CCDC112: variants seen among roughly 807,000 people sequenced by gnomAD.
CCDC112 encodes the protein coiled-coil domain containing 112.
In CCDC112, 40 loss-of-function variants were observed where a neutral mutation model predicts 66.3. The ratio of observed to expected loss-of-function variants is 0.60; its 90% CI spans 0.47 to 0.79. The LOEUF (loss-of-function observed/expected upper bound fraction) is 0.79, where lower values mean the gene tolerates loss of function less well. Ranked by LOEUF, CCDC112 falls within the 30% of genes least tolerant of loss-of-function variation. The pLI, the probability that CCDC112 is intolerant of heterozygous loss-of-function variation, is 0.00. For missense variants in CCDC112, 659 were observed against 603.8 expected (o/e 1.09, Z -0.96); for synonymous variants, 214 against 197.2 (o/e 1.09, Z -0.71).
chr5:115,269,666 G>A, intron 8 of CCDC112, 37 bp downstream of exon 8: 1 of 1,377,370 alleles, frequency 7.3e-7, no homozygotes, highest in Non-Finnish European at 1.0e-6. Flanking sequence ...CAAGGAATTA[G>A]GATAATAACA....
intron 6 of CCDC112, among the ~76,000 whole-genome samples, chr5:115,273,756 C>A (rs1448001567): frequency 1.3e-5 from 2 of 152,140 alleles, no homozygotes; most frequent in Non-Finnish European, 2.9e-5. Context: ...CTAATTAGGT[C>A]TGGAGTTGGA....
intron 9 of CCDC112, among the ~76,000 whole-genome samples, chr5:115,268,426 T>A (rs984295929): frequency 6.6e-6 from 1 of 151,816 alleles, no homozygotes; most frequent in Admixed American, 6.6e-5. Context: ...CACACCACCA[T>A]GCCTGGCTAA....
intron 7 of CCDC112, 98 bp downstream of exon 7, chr5:115,271,115 G>A: frequency 9.1e-7 from 1 of 1,102,000 alleles, no homozygotes; most frequent in South Asian, 1.6e-5. Flanking sequence ...CTATACACAG[G>A]TCCAATATAC....
intron 1 of CCDC112, among the ~76,000 whole-genome samples, chr5:115,291,800 C>G (rs1417825166): frequency 6.6e-6 from 1 of 152,102 alleles, no homozygotes; most frequent in Non-Finnish European, 1.5e-5. Context: ...GGCTGGCAGT[C>G]TTTTTCTATT....
At chr5:115,282,134 A>G (rs967821618) in intron 2 of CCDC112, among the ~76,000 whole-genome samples, 3 of 152,240 alleles carry the variant, frequency 2.0e-5, no homozygotes, top group Non-Finnish European at 4.4e-5. Flanking sequence ...TAAATAAATC[A>G]TATTACATTC....
At chr5:115,277,378 T>C (rs188526045) in intron 3 of CCDC112, among the ~76,000 whole-genome samples, 33 of 152,328 alleles carry the variant, frequency 2.2e-4, no homozygotes, top group African/African-American at 7.9e-4. Context: ...AGCATAGTTT[T>C]TGTTCTTTAA....
At chr5:115,276,805 T>A (rs1390736487) in intron 4 of CCDC112, among the ~76,000 whole-genome samples, 160 bp downstream of exon 4, 1 of 152,174 alleles carries the variant, frequency 6.6e-6, no homozygotes, top group African/African-American at 2.4e-5. Flanking sequence ...CTGATAGAGT[T>A]TAGCTCCATT....
At position 115,268,893 on chromosome 5, in the gene CCDC112, A is replaced by C; in HGVS notation, c.1536T>G (p.His512Gln). The C allele has an allele frequency of 6.3e-7, 1 of 1,590,422 alleles. No individual in the cohort carries two copies. Among genetic ancestry groups the C allele is most frequent in the Non-Finnish European group, 8.6e-7 (1 of 1,166,768 alleles). Residue 512 changes from histidine to glutamine, a missense_variant, in exon 9 of 10, where the codon CAT (histidine) becomes CAG (glutamine). Coordinates refer to ENST00000379611, the MANE Select transcript of CCDC112 (RefSeq NM_001040440.3). ...TAACTCTTTCTTACCTATGTGGGAT[A>C]TGTAGAAGTGGCCCAGAGCCTGTTG... ...IGPTGSGPLLHIPHRAIPTWR... is the reference protein window; with the variant it reads ...IGPTGSGPLLQIPHRAIPTWR...
chr5:115,289,665 T>C (rs776842920), intron 1 of CCDC112, among the ~76,000 whole-genome samples: 69 of 152,214 alleles, frequency 4.5e-4, no homozygotes, highest in Non-Finnish European at 6.3e-4. Context: ...CTTATCAACA[T>C]ATAATTTGCA....
intron 1 of CCDC112, among the ~76,000 whole-genome samples, chr5:115,294,781 G>A (rs1352016334): frequency 6.6e-6 from 1 of 152,184 alleles, no homozygotes; most frequent in African/African-American, 2.4e-5. Context: ...GTATGTGCGT[G>A]TGGTATGCTG....
At chr5:115,296,385 C>A in intron 1 of CCDC112, 42 bp downstream of exon 1, 1 of 1,545,370 alleles carries the variant, frequency 6.5e-7, no homozygotes, top group Non-Finnish European at 8.7e-7. Flanking sequence ...CCTGCAGCCC[C>A]TCGCCTGCCG....
chr5:115,273,169 G>T (rs1749076211), intron 6 of CCDC112, among the ~76,000 whole-genome samples: 1 of 152,102 alleles, frequency 6.6e-6, no homozygotes, highest in Admixed American at 6.6e-5. Flanking sequence ...CTTATGTTTG[G>T]GTGGGCAAGG....
intron 1 of CCDC112, among the ~76,000 whole-genome samples, chr5:115,294,380 ATC>A (rs1750059081): frequency 6.6e-6 from 1 of 152,196 alleles, no homozygotes; most frequent in African/African-American, 2.4e-5. Context: ...GATGCCAGAG[ATC>A]TCTTTCTCTC....
intron 1 of CCDC112, among the ~76,000 whole-genome samples, chr5:115,291,155 T>G (rs896443843): frequency 6.6e-6 from 1 of 152,118 alleles, no homozygotes; most frequent in Non-Finnish European, 1.5e-5. Context: ...TATTGACAGT[T>G]TGTTGACTGG....
chr5:115,290,898 C>A (rs960534773), intron 1 of CCDC112, among the ~76,000 whole-genome samples: 8 of 151,388 alleles, frequency 5.3e-5, no homozygotes, highest in African/African-American at 1.9e-4. Context: ...TGTGTGAATC[C>A]CTTAGAATTT....
rs781776913 is a variant in CCDC112 at position 115,284,899 on chromosome 5, A to T, written c.127T>A (p.Cys43Ser). The T allele has an allele frequency of 6.2e-7, 1 of 1,612,484 alleles. No homozygotes were observed. Among genetic ancestry groups the T allele is most frequent in the Non-Finnish European group, 8.5e-7 (1 of 1,178,884 alleles). Residue 43 changes from cysteine to serine, a missense_variant, in exon 2 of 10, where the codon TGT becomes AGT. Transcript: ENST00000379611. ...CGAATTCCACCTGAAGTACTAAAAC[A>T]GCCATCACTCTGCATTGAGAACAAG... ...ATPAPQQSDG[C>S]FSTSGGIRPF...
In CCDC112 at chr5:115,275,347, T is replaced by A; in HGVS notation, c.787A>T (p.Asn263Tyr). 1 of 1,614,126 alleles carries A rather than the reference T, an allele frequency of 6.2e-7. No homozygotes were observed. The highest frequency in any genetic ancestry group is 8.5e-7 in the Non-Finnish European group (1 of 1,180,010). Residue 263 changes from asparagine to tyrosine, a missense_variant, in exon 6 of 10, where the codon AAC (asparagine) becomes TAC (tyrosine). Physicochemically the swap from Asn to Tyr is moderately radical, Grantham distance 143. Transcript: ENST00000379611. Reference protein sequence around the residue: ...YDHQNFVKVRNKHKGKPTFME... With the variant: ...YDHQNFVKVRYKHKGKPTFME... ...AATGTTGGCTTCCCTTTATGTTTGTTTCTCACCTTTACAAAGTTCTGGTGA... is the reference window on the plus strand; with the variant it reads ...AATGTTGGCTTCCCTTTATGTTTGTATCTCACCTTTACAAAGTTCTGGTGA...
At chr5:115,289,779 G>T (rs1180363419) in intron 1 of CCDC112, among the ~76,000 whole-genome samples, 1 of 152,154 alleles carries the variant, frequency 6.6e-6, no homozygotes, top group Admixed American at 6.5e-5. Context: ...CACCTCCCCA[G>T]TTCAAGTGAT....
intron 1 of CCDC112, among the ~76,000 whole-genome samples, chr5:115,295,495 T>A (rs912766779): frequency 2.6e-5 from 4 of 152,208 alleles, no homozygotes; most frequent in Non-Finnish European, 5.9e-5. Flanking sequence ...CCTGAAGGTC[T>A]ACGAGTAAAG....
Sources: gnomAD v4.1 joint callset for allele counts (sites outside exome capture counted in the v4.1 genomes callset) on GRCh38, gnomAD v4.1.1 for gene constraint, MANE v1.5 for transcripts, NCBI Gene and HGNC (gene_info 2026-07-23, HGNC 2026-07-21) for gene names.